DLGAP2: variants seen among roughly 807,000 people sequenced by gnomAD.
The protein encoded by DLGAP2 is disks large-associated protein 2.
In DLGAP2, 26 loss-of-function variants were observed where a neutral mutation model predicts 100.3. The observed-to-expected ratio is 0.26, with a 90% CI of 0.19 to 0.36. The LOEUF is 0.36. Among genes scored for constraint, DLGAP2 ranks in the 10% least tolerant of loss-of-function variants. The pLI, the probability that DLGAP2 is intolerant of heterozygous loss-of-function variation, is 1.00. For synonymous variants in DLGAP2, 886 were observed against 630.1 expected, an observed-to-expected ratio of 1.41 and a Z score of -6.08; for missense variants, 1,858 against 1,453.2, an observed-to-expected ratio of 1.28 and a Z score of -4.53.
chr8:1,075,517 C>T (rs2600494), intron 2 of DLGAP2, among the ~76,000 whole-genome samples: 45,960 of 151,960 alleles, frequency 0.3, 7,505 homozygotes, highest in Middle Eastern at 0.38. Context: ...ATTTTCATCC[C>T]CTGCAGGGGA....
rs558686108 is a variant in DLGAP2, at chr8:1,229,831, A to G, written c.74-29020A>G. On this transcript the variant is annotated intron_variant, in intron 2 of 14. Transcript: ENST00000637795. ...ATAAAATCCAACACCCTTTCATGAT[A>G]AAAACCCTCCAGAAACTAGGCATCA... Among the ~76,000 whole-genome samples the G allele has an allele frequency of 1.2e-4, 19 of 152,284 alleles. No individual in the cohort carries two copies. The East Asian group carries it at 2.3e-3, about 19-fold the overall frequency.
intron 2 of DLGAP2, chr8:1,137,234 G>C (rs1036328720): frequency 2.0e-5 from 3 of 152,308 alleles, no homozygotes; most frequent in Admixed American, 1.3e-4. Context: ...TTGTTACAAA[G>C]ACACCAGTCC....
At chr8:789,481 C>T (rs544965675) in intron 1 of DLGAP2, among the ~76,000 whole-genome samples, 17 of 152,374 alleles carry the variant, frequency 1.1e-4, no homozygotes, top group Middle Eastern at 3.4e-3. Context: ...CCAGGCCCCT[C>T]TTCCGACACT....
At chr8:1,491,512 C>T (rs1432801001) in intron 3 of DLGAP2, among the ~76,000 whole-genome samples, 1 of 152,242 alleles carries the variant, frequency 6.6e-6, no homozygotes, top group Non-Finnish European at 1.5e-5. Flanking sequence ...AAATGCCCTT[C>T]ACTCTGTCTT....
intron 3 of DLGAP2, among the ~76,000 whole-genome samples, chr8:1,457,404 T>A (rs894824135): frequency 6.6e-6 from 1 of 152,214 alleles, no homozygotes; most frequent in African/African-American, 2.4e-5. Context: ...AGGCTGTGTA[T>A]GCCGTAAGAA....
At chr8:1,240,181 A>C in intron 2 of DLGAP2, among the ~76,000 whole-genome samples, 1 of 142,826 alleles carries the variant, frequency 7.0e-6, no homozygotes, top group East Asian at 2.3e-4. Flanking sequence ...GTTCTCTCTC[A>C]CACAGAGTAT....
At chr8:1,590,334 G>A (rs1230679875) in intron 6 of DLGAP2, among the ~76,000 whole-genome samples, 1 of 152,198 alleles carries the variant, frequency 6.6e-6, no homozygotes, top group Non-Finnish European at 1.5e-5. Flanking sequence ...GGATAATGAA[G>A]TATGCATAAA....
intron 2 of DLGAP2, among the ~76,000 whole-genome samples, chr8:953,993 G>C (rs958496601): frequency 6.6e-6 from 1 of 152,226 alleles, no homozygotes; most frequent in South Asian, 2.1e-4. Flanking sequence ...GGTGCTGGCT[G>C]TGTTGACTTC....
At chr8:1,433,394 A>G (rs1171802132) in intron 3 of DLGAP2, among the ~76,000 whole-genome samples, 1 of 152,120 alleles carries the variant, frequency 6.6e-6, no homozygotes, top group Non-Finnish European at 1.5e-5. Context: ...CCTGCCAGGC[A>G]CCCGCTGCGG....
chr8:1,169,629 A>C (rs1263394383), intron 2 of DLGAP2, among the ~76,000 whole-genome samples: 8 of 152,008 alleles, frequency 5.3e-5, no homozygotes, highest in East Asian at 3.9e-4. Flanking sequence ...TAGGTATTTT[A>C]TTCTCTTTGA....
intron 1 of DLGAP2, among the ~76,000 whole-genome samples, chr8:895,037 G>C (rs1354867356): frequency 7.0e-6 from 1 of 143,614 alleles, no homozygotes; most frequent in Admixed American, 7.0e-5. Flanking sequence ...GGTGGTGGCT[G>C]GCAGGGCTGG....
chr8:1,703,444 G>A lies in DLGAP2; in HGVS notation c.*2038G>A, dbSNP rs1439861025. 6.6e-6 allele frequency: 1 copy of A among 152,542 alleles called. No homozygotes were observed. The highest frequency in any genetic ancestry group is 1.5e-5 in the Non-Finnish European group (1 of 68,034). 9.4% of individuals were successfully genotyped at this position (152,542 alleles called of 1,614,324 possible). On this transcript the variant is annotated 3_prime_UTR_variant, in exon 15 of 15. Coordinates refer to ENST00000637795, the MANE Select transcript of DLGAP2 (RefSeq NM_001346810.2). Reference sequence around the variant, plus strand: ...TTCTTCCTATATCCACTCTTATTATGTTAAAACAAATGTATTTGCGAGTAT... The same window carrying A: ...TTCTTCCTATATCCACTCTTATTATATTAAAACAAATGTATTTGCGAGTAT...
chr8:1,449,753 G>T (rs1248084803), intron 3 of DLGAP2, among the ~76,000 whole-genome samples: 1 of 152,096 alleles, frequency 6.6e-6, no homozygotes, highest in Admixed American at 6.5e-5. Flanking sequence ...GATGCGAATG[G>T]GAGAGGCACC....
chr8:1,144,647 G>T (rs1420463647), intron 2 of DLGAP2, among the ~76,000 whole-genome samples: 1 of 152,216 alleles, frequency 6.6e-6, no homozygotes, highest in Non-Finnish European at 1.5e-5. Flanking sequence ...ATTAATCTCT[G>T]CTTCTGCTTT....
chr8:1,335,323 G>T (rs969729535), intron 3 of DLGAP2, among the ~76,000 whole-genome samples: 40 of 152,190 alleles, frequency 2.6e-4, no homozygotes, highest in African/African-American at 9.2e-4. Flanking sequence ...GCTGGTCACT[G>T]TGGACAACGA....
intron 3 of DLGAP2, among the ~76,000 whole-genome samples, chr8:1,321,326 G>C (rs1053918495): frequency 4.6e-5 from 7 of 151,568 alleles, no homozygotes; most frequent in Non-Finnish European, 7.4e-5. Context: ...GTGTGCGTGT[G>C]TGTCTGTGTG....
At chr8:801,739 C>A (rs923448484) in intron 1 of DLGAP2, among the ~76,000 whole-genome samples, 6 of 152,274 alleles carry the variant, frequency 3.9e-5, no homozygotes, top group African/African-American at 1.4e-4. Flanking sequence ...ACTTTCAGCT[C>A]ATTTTGATGA....
chr8:1,324,487 C>T (rs550341901), intron 3 of DLGAP2, among the ~76,000 whole-genome samples: 5 of 152,360 alleles, frequency 3.3e-5, no homozygotes, highest in South Asian at 2.1e-4. Flanking sequence ...TTTCCACAGG[C>T]AGAGCAGGCA....
At chr8:862,090 T>C (rs1797402643) in intron 1 of DLGAP2, among the ~76,000 whole-genome samples, 1 of 152,176 alleles carries the variant, frequency 6.6e-6, no homozygotes, top group South Asian at 2.1e-4. Context: ...GTAGAAACAG[T>C]CATTTCTTGG....
Sources: gnomAD v4.1 joint callset for allele counts (sites outside exome capture counted in the v4.1 genomes callset) on GRCh38, gnomAD v4.1.1 for gene constraint, MANE v1.5 for transcripts, NCBI Gene and HGNC (gene_info 2026-07-23, HGNC 2026-07-21) for gene names.